OGG1: variants seen among roughly 807,000 people sequenced by gnomAD.
OGG1 encodes the protein N-glycosylase/DNA lyase.
Under a neutral mutation model 42.3 loss-of-function variants are expected in OGG1, and 35 were observed. The ratio of observed to expected loss-of-function variants is 0.83; its 90% CI spans 0.63 to 1.10. The LOEUF (loss-of-function observed/expected upper bound fraction) is 1.10. OGG1 is among the 50% of genes least tolerant of loss of function. The pLI, the probability that OGG1 is intolerant of heterozygous loss-of-function variation, is 0.00. For missense variants in OGG1, 484 were observed against 446.7 expected, an observed-to-expected ratio of 1.08 and a Z score of -0.75; for synonymous variants, 189 against 179.0, an observed-to-expected ratio of 1.06 and a Z score of -0.44.
chr3:9,759,087 C>T, downstream of OGG1: 5 of 986,612 alleles, frequency 5.1e-6, no homozygotes, highest in South Asian at 2.6e-5. Context: ...CTCTCAGTCC[C>T]CTCAGCCCCT....
At chr3:9,778,453 T>G (rs1272957596) in intron 2 of OGG1, among the ~76,000 whole-genome samples, 1 of 152,214 alleles carries the variant, frequency 6.6e-6, no homozygotes, top group Non-Finnish European at 1.5e-5. Context: ...CAAACTAGTT[T>G]AAGCCAAAAG....
At position 9,750,447 on chromosome 3, in the gene OGG1, C is replaced by G. The variant is rs377462254; in HGVS notation, c.137+24C>G. ...CGGTGAGTGACTGAGCCTGAGAAGC[C>G]TGTCCCCTCGGACTGGCTCCTGCCG... On this transcript the variant is annotated intron_variant, in intron 1 of 6. Transcript: ENST00000344629. 5 of 1,613,304 alleles carry G rather than the reference C, an allele frequency of 3.1e-6. No homozygotes were observed. The South Asian group carries it at 5.5e-5, about 18-fold the overall frequency.
intron 2 of OGG1, among the ~76,000 whole-genome samples, chr3:9,777,473 C>T (rs985231296): frequency 1.3e-5 from 2 of 152,084 alleles, no homozygotes; most frequent in African/African-American, 4.8e-5. Context: ...CAGCAAGGCA[C>T]AGCATCTCTT....
chr3:9,752,249 G>A (rs1252621229), intron 3 of OGG1, among the ~76,000 whole-genome samples: 2 of 152,082 alleles, frequency 1.3e-5, no homozygotes, highest in Admixed American at 6.5e-5. Context: ...ACCCATGCCT[G>A]GTTCTGAACC....
At chr3:9,767,743 C>G (rs1481715197), downstream of OGG1, 1 of 1,614,044 alleles carries the variant, frequency 6.2e-7, no homozygotes, top group Non-Finnish European at 8.5e-7. Context: ...TCCACTGCCC[C>G]CAGCATGGCC....
At chr3:9,773,585 A>G (rs66482970) in intron 2 of OGG1, among the ~76,000 whole-genome samples, 32,645 of 151,164 alleles carry the variant, frequency 0.22, 4,003 homozygotes, top group East Asian at 0.57. Context: ...AGGTGAGTCA[A>G]GGAAAGTCAA....
At chr3:9,788,644 A>AT (rs1440967717), downstream of OGG1, among the ~76,000 whole-genome samples, 1 of 150,670 alleles carries the variant, frequency 6.6e-6, no homozygotes, top group Non-Finnish European at 1.5e-5. Flanking sequence ...AGTTCAGGTG[A>AT]TTTTCCTGGC....
rs9821355 is a variant in OGG1 at position 9,776,428 on chromosome 3, T to C, written c.295-5085T>C. 7.9e-3 allele frequency among the ~76,000 whole-genome samples: 1,160 copies of C among 147,138 alleles called. 21 individuals are homozygous for C. The highest frequency in any genetic ancestry group is 0.028 in the African/African-American group (1,089 of 39,570). Reference sequence around the variant, plus strand: ...TTTTTGAGATGAAGTCTCGCTCTGTTACCCAGGCTGGAGTGCAGTGGCGCG... The same window carrying C: ...TTTTTGAGATGAAGTCTCGCTCTGTCACCCAGGCTGGAGTGCAGTGGCGCG... On this transcript the variant is annotated intron_variant, in intron 2 of 3. Transcript: ENST00000426518.
Position 9,750,311 on chromosome 3 carries a change from A to T in OGG1, c.25A>T (p.Arg9Trp), listed in dbSNP as rs747986814. The change falls in exon 1 of 7, where the codon AGG becomes TGG. Residue 9 changes from arginine (R) to tryptophan (W), a missense_variant. Arg to Trp is a moderately radical substitution (Grantham distance 101, BLOSUM62 -3). Transcript: ENST00000344629. Reference protein sequence around the residue: MPARALLPRRMGHRTLAST... With the variant: MPARALLPWRMGHRTLAST... The stretch of plus-strand genomic sequence containing the variant: ...AATGCCTGCCCGCGCGCTTCTGCCC[A>T]GGCGCATGGGGCATCGTACTCTAGC... The T allele has an allele frequency of 4.3e-6, 7 of 1,613,022 alleles. No homozygotes were observed. Among genetic ancestry groups the T allele is most frequent in the Non-Finnish European group, 8.5e-7 (1 of 1,179,452 alleles).
chr3:9,761,348 A>AAGGG (rs1241474703), downstream of OGG1: 25 of 1,059,678 alleles, frequency 2.4e-5, no homozygotes, highest in South Asian at 3.8e-4. Context: ...TGGTGGAAGG[A>AAGGG]AGGGAGGGAG....
At chr3:9,772,277 G>A (rs2125605507) in intron 2 of OGG1, among the ~76,000 whole-genome samples, 1 of 152,234 alleles carries the variant, frequency 6.6e-6, no homozygotes. Flanking sequence ...ATTCCATAAT[G>A]TATTGAAAAC....
chr3:9,765,961 C>G (rs1197389182), exon 8 of OGG1: 2 of 1,614,092 alleles, frequency 1.2e-6, no homozygotes, highest in Non-Finnish European at 1.7e-6. Context: ...CCTCCATTCC[C>G]TATGGGTTCT....
rs958763959 is a variant in OGG1 at position 9,780,660 on chromosome 3, G to A, written c.295-853G>A. 6 of 1,141,440 alleles carry A rather than the reference G, an allele frequency of 5.3e-6. No individual in the cohort carries two copies. In the South Asian group the frequency reaches 6.2e-5, roughly 12 times the overall value. The allele number at this position is 1,141,440 out of a possible 1,614,324, so 70.7% of individuals were successfully genotyped here. A position where few individuals can be genotyped will look rare whatever the true frequency, so the allele number is the denominator to read the frequency against. On this transcript the variant is annotated intron_variant, in intron 2 of 3. Transcript: ENST00000426518. ...GCCCAGGCTGGCATGCCTGTGGATTGTGTCATACAGTCGTGACCAAAAAGC... is the reference window on the plus strand; with the variant it reads ...GCCCAGGCTGGCATGCCTGTGGATTATGTCATACAGTCGTGACCAAAAAGC...
intron 2 of OGG1, among the ~76,000 whole-genome samples, chr3:9,776,018 G>T (rs2078358747): frequency 6.6e-6 from 1 of 152,200 alleles, no homozygotes; most frequent in Non-Finnish European, 1.5e-5. Flanking sequence ...TGATGCTGTT[G>T]CTGGCAGTCC....
chr3:9,763,762 G>A (rs1323431916), intron 7 of OGG1, among the ~76,000 whole-genome samples: 1 of 152,170 alleles, frequency 6.6e-6, no homozygotes, highest in African/African-American at 2.4e-5. Context: ...AAGGCAGGCG[G>A]ATCACTTGAG....
chr3:9,761,855 C>T, downstream of OGG1: 1 of 1,511,560 alleles, frequency 6.6e-7, no homozygotes, highest in African/African-American at 1.4e-5. Flanking sequence ...ATAATGGATC[C>T]CCAAAAGCCA....
chr3:9,756,890 C>A (rs2077594380), intron 6 of OGG1, 74 bp downstream of exon 6: 3 of 1,612,222 alleles, frequency 1.9e-6, no homozygotes, highest in Non-Finnish European at 2.5e-6. Flanking sequence ...CCACCACCGC[C>A]CCAGGTGGCC....
At chr3:9,787,746 A>G (rs1158385228) in exon 4 of OGG1, 1 of 1,273,776 alleles carries the variant, frequency 7.9e-7, no homozygotes, top group Non-Finnish European at 1.0e-6. Flanking sequence ...TTAAGAAATC[A>G]GATAAGTGAA....
At chr3:9,761,754 CT>C, downstream of OGG1, 1 of 1,613,992 alleles carries the variant, frequency 6.2e-7, no homozygotes, top group Non-Finnish European at 8.5e-7. Flanking sequence ...AGCAGATTCT[CT>C]GGCTTGAAGG....
Sources: gnomAD v4.1 joint callset for allele counts (sites outside exome capture counted in the v4.1 genomes callset) on GRCh38, gnomAD v4.1.1 for gene constraint, MANE v1.5 for transcripts, NCBI Gene and HGNC (gene_info 2026-07-23, HGNC 2026-07-21) for gene names.